Variants in FTO observed in about 807,000 individuals in gnomAD.
FTO encodes FTO alpha-ketoglutarate dependent dioxygenase, also known as alpha-ketoglutarate-dependent dioxygenase FTO.
A neutral mutation model predicts 63.9 loss-of-function variants in FTO; 47 were observed. That is an observed-to-expected ratio of 0.74 (90% CI 0.58 to 0.94). FTO has a LOEUF of 0.94. FTO is among the 40% of genes least tolerant of loss of function. The pLI is 0.00. For missense variants in FTO, 562 were observed against 618.1 expected (o/e 0.91, Z 0.96); for synonymous variants, 207 against 224.4 (o/e 0.92, Z 0.69).
At chr16:53,774,610 T>C (rs1303076644) in intron 1 of FTO, among the ~76,000 whole-genome samples, 2 of 152,172 alleles carry the variant, frequency 1.3e-5, no homozygotes, top group Admixed American at 1.3e-4. Context: ...ACCCTTTATA[T>C]ATGTCTGGAT....
rs2086589454 is a variant in FTO at position 54,099,571 on chromosome 16, G to A, written c.1365-12191G>A. On this transcript the variant is annotated intron_variant, in intron 8 of 8. Coordinates refer to ENST00000471389, the MANE Select transcript of FTO (RefSeq NM_001080432.3). ...CAAGTTTCGGGTGACCCTATCATGT[G>A]ACCAGAGATCAAAGGTCAGCAGCTC... Among the ~76,000 whole-genome samples the A allele has an allele frequency of 3.9e-5, 6 of 152,154 alleles. No homozygotes were observed. In the South Asian group the frequency reaches 1.2e-3, roughly 32 times the overall value.
chr16:53,932,673 A>G lies in FTO; in HGVS notation c.1240-1312A>G, dbSNP rs574436151. 3.3e-5 allele frequency among the ~76,000 whole-genome samples: 5 copies of G among 152,284 alleles called. No homozygotes were observed. In the East Asian group the frequency reaches 7.7e-4, roughly 24 times the overall value. ...CCAAAATGCTGGGATTACAGGCATG[A>G]ACCACTGCACTCAGCCCTGGTGAAT... On this transcript the variant is annotated intron_variant, in intron 7 of 8. Coordinates refer to ENST00000471389, the MANE Select transcript of FTO (RefSeq NM_001080432.3).
intron 8 of FTO, among the ~76,000 whole-genome samples, chr16:54,026,556 G>A (rs2084719364): frequency 6.6e-6 from 1 of 152,136 alleles, no homozygotes. Flanking sequence ...ACAAAATCAG[G>A]CCTGTGTGAG....
intron 8 of FTO, among the ~76,000 whole-genome samples, chr16:54,059,239 A>G (rs2085513359): frequency 6.6e-6 from 1 of 152,226 alleles, no homozygotes; most frequent in Non-Finnish European, 1.5e-5. Flanking sequence ...TCTAGCCCAC[A>G]TTAAGGAGCC....
At chr16:53,980,929 A>G (rs1369274129) in intron 8 of FTO, among the ~76,000 whole-genome samples, 1 of 152,234 alleles carries the variant, frequency 6.6e-6, no homozygotes, top group Non-Finnish European at 1.5e-5. Flanking sequence ...CAACAGATTC[A>G]TATTATACAC....
At chr16:53,966,831 T>A (rs2083205803) in intron 8 of FTO, among the ~76,000 whole-genome samples, 1 of 152,224 alleles carries the variant, frequency 6.6e-6, no homozygotes, top group Non-Finnish European at 1.5e-5. Context: ...CAGGACCTTC[T>A]GCCATGTCAA....
Position 53,752,115 on chromosome 16 carries a change from A to C in FTO, c.45+47886A>C, listed in dbSNP as rs370418767. 2.6e-5 allele frequency among the ~76,000 whole-genome samples: 4 copies of C among 152,228 alleles called. No homozygotes were observed. The South Asian group carries it at 6.2e-4, about 24-fold the overall frequency. On this transcript the variant is annotated intron_variant, in intron 1 of 8. Coordinates refer to ENST00000471389, the MANE Select transcript of FTO (RefSeq NM_001080432.3). Reference sequence around the variant, plus strand: ...AACACGAGCAATCTAAGTATCCATCAGTAGGGAACAGTTTAAATACATTAA... The same window carrying C: ...AACACGAGCAATCTAAGTATCCATCCGTAGGGAACAGTTTAAATACATTAA...
At chr16:53,769,782 T>C (rs532147272) in intron 1 of FTO, among the ~76,000 whole-genome samples, 1 of 152,242 alleles carries the variant, frequency 6.6e-6, no homozygotes, top group East Asian at 1.9e-4. Context: ...TATGTAACAG[T>C]AATGAGTAGG....
At chr16:53,881,675 C>T (rs2080840797) in intron 6 of FTO, among the ~76,000 whole-genome samples, 1 of 152,212 alleles carries the variant, frequency 6.6e-6, no homozygotes, top group Admixed American at 6.5e-5. Flanking sequence ...GTTTCGCAAA[C>T]TCTACTTTTC....
At chr16:53,943,288 C>T (rs76771304) in intron 8 of FTO, among the ~76,000 whole-genome samples, 1 of 152,258 alleles carries the variant, frequency 6.6e-6, no homozygotes, top group East Asian at 1.9e-4. Flanking sequence ...AATGTTATTA[C>T]CATTGTTACT....
intron 8 of FTO, among the ~76,000 whole-genome samples, chr16:54,069,178 T>C (rs1177622176): frequency 6.6e-6 from 1 of 152,166 alleles, no homozygotes; most frequent in Non-Finnish European, 1.5e-5. Flanking sequence ...GAACTCTGAT[T>C]ACATTTTTAA....
chr16:53,787,858 A>T (rs2077792153), intron 1 of FTO, among the ~76,000 whole-genome samples: 1 of 152,168 alleles, frequency 6.6e-6, no homozygotes, highest in Admixed American at 6.5e-5. Flanking sequence ...AAGACACTGA[A>T]CTATTCATTG....
At chr16:53,748,590 G>A (rs1449201311) in intron 1 of FTO, among the ~76,000 whole-genome samples, 2 of 151,988 alleles carry the variant, frequency 1.3e-5, no homozygotes, top group East Asian at 1.9e-4. Context: ...GAGTAGCTGG[G>A]CCTACAGGTG....
intron 8 of FTO, among the ~76,000 whole-genome samples, chr16:53,958,374 C>A (rs1023376312): frequency 6.6e-6 from 1 of 152,186 alleles, no homozygotes; most frequent in Admixed American, 6.5e-5. Context: ...CCTCCTCCAG[C>A]GTGGAAAGCT....
intron 8 of FTO, among the ~76,000 whole-genome samples, chr16:53,973,222 T>C (rs902312970): frequency 2.0e-5 from 3 of 152,114 alleles, no homozygotes; most frequent in Non-Finnish European, 4.4e-5. Context: ...TTTCAGAGTT[T>C]AACAGTGGCA....
chr16:54,068,042 C>T (rs1225236392), intron 8 of FTO, among the ~76,000 whole-genome samples: 1 of 151,666 alleles, frequency 6.6e-6, no homozygotes, highest in African/African-American at 2.4e-5. Context: ...TTTGGTTGGA[C>T]TATCTTCTAA....
intron 1 of FTO, among the ~76,000 whole-genome samples, chr16:53,805,116 A>T (rs2078328606): frequency 6.6e-6 from 1 of 152,204 alleles, no homozygotes; most frequent in African/African-American, 2.4e-5. Flanking sequence ...AACCTGACAC[A>T]ATAGGATGCA....
At chr16:53,896,997 G>A (rs191406631) in intron 7 of FTO, among the ~76,000 whole-genome samples, 2 of 152,212 alleles carry the variant, frequency 1.3e-5, no homozygotes, top group African/African-American at 4.8e-5. Flanking sequence ...CATTAAGTTG[G>A]CCCTTCCGTG....
Position 54,118,959 on chromosome 16 carries a change from A to T in FTO, c.*7044A>T, listed in dbSNP as rs1200626458. 6.6e-6 allele frequency: 1 copy of T among 152,254 alleles called. No individual in the cohort carries two copies. Among genetic ancestry groups the T allele is most frequent in the Non-Finnish European group, 1.5e-5 (1 of 68,056 alleles). The allele number at this position is 152,254 out of a possible 1,614,324, so 9.4% of individuals were successfully genotyped here. A position where few individuals can be genotyped will look rare whatever the true frequency, so the allele number is the denominator to read the frequency against. The stretch of plus-strand genomic sequence containing the variant: ...TTGGCTGGGTAATGGAAGAATTTCT[A>T]CATACATTCATTACTTCTGATCAGG... On this transcript the variant is annotated 3_prime_UTR_variant, in exon 9 of 9. Transcript: ENST00000471389.
Sources: allele counts gnomAD v4.1 joint callset (sites outside exome capture counted in the v4.1 genomes callset), GRCh38; gene constraint gnomAD v4.1.1; transcripts MANE v1.5; gene names NCBI Gene and HGNC (gene_info 2026-07-23, HGNC 2026-07-21).